Variants in LRRC7 observed in about 807,000 individuals in gnomAD.
LRRC7 encodes leucine-rich repeat-containing protein 7.
In LRRC7, 23 loss-of-function variants were observed where a neutral mutation model predicts 175.7. The observed-to-expected ratio is 0.13, with a 90% CI of 0.09 to 0.19. LRRC7 has a LOEUF of 0.19. Among genes scored for constraint, LRRC7 ranks in the 10% least tolerant of loss-of-function variants. The pLI is 1.00. For synonymous variants in LRRC7, 685 were observed against 680.9 expected (o/e 1.01, Z -0.09); for missense variants, 1,354 against 1,904.7 (o/e 0.71, Z 5.38).
At chr1:69,586,898 T>G (rs1442960546) in intron 1 of LRRC7, among the ~76,000 whole-genome samples, 9 of 152,184 alleles carry the variant, frequency 5.9e-5, no homozygotes, top group Admixed American at 5.9e-4. Context: ...TTTTCCAAAT[T>G]CTGAGGAACA....
chr1:69,947,223 T>C (rs926394783), intron 8 of LRRC7, among the ~76,000 whole-genome samples: 4 of 152,054 alleles, frequency 2.6e-5, no homozygotes, highest in African/African-American at 9.7e-5. Context: ...CACTGTGTTG[T>C]CTCATTGGAG....
intron 3 of LRRC7, among the ~76,000 whole-genome samples, chr1:69,769,869 T>A (rs1672028926): frequency 6.6e-6 from 1 of 152,210 alleles, no homozygotes; most frequent in Non-Finnish European, 1.5e-5. Context: ...GATTTACAGT[T>A]GTGTCAGTTA....
At chr1:69,704,513 T>C (rs531546134) in intron 2 of LRRC7, among the ~76,000 whole-genome samples, 1 of 152,158 alleles carries the variant, frequency 6.6e-6, no homozygotes, top group Admixed American at 6.6e-5. Context: ...CTTTTGTATA[T>C]AGACTATTTA....
chr1:69,763,456 T>G (rs2100952685), intron 3 of LRRC7, among the ~76,000 whole-genome samples: 1 of 152,210 alleles, frequency 6.6e-6, no homozygotes, highest in African/African-American at 2.4e-5. Flanking sequence ...GTGTCACATG[T>G]TTACTGCTGA....
intron 25 of LRRC7, among the ~76,000 whole-genome samples, chr1:70,101,633 T>C (rs891620696): frequency 6.6e-6 from 1 of 152,228 alleles, no homozygotes; most frequent in Non-Finnish European, 1.5e-5. Context: ...ATCTTAACAA[T>C]GCAAGAAGCC....
At chr1:69,744,486 G>C (rs1459930712) in intron 2 of LRRC7, among the ~76,000 whole-genome samples, 1 of 151,780 alleles carries the variant, frequency 6.6e-6, no homozygotes, top group Non-Finnish European at 1.5e-5. Context: ...CATTTCTGTA[G>C]CTTGTTTTGT....
At position 70,144,081 on chromosome 1, in the gene LRRC7, GAAATT is replaced by G. The variant is rs1667202456; in HGVS notation, c.*22197_*22201del. The stretch of plus-strand genomic sequence containing the variant: ...TATATTTTAAATTTACTGAACCAGT[GAAATT>G]AATTACTGTCAGTTAATTTGCAAAT... On this transcript the variant is annotated 3_prime_UTR_variant, in exon 27 of 27. Coordinates refer to ENST00000651989, the MANE Select transcript of LRRC7 (RefSeq NM_001370785.2). 3 of 152,094 alleles carry G rather than the reference GAAATT, an allele frequency of 2.0e-5. No homozygotes were observed. The highest frequency in any genetic ancestry group is 2.0e-4 in the Admixed American group (3 of 15,260). The allele number at this position is 152,094 out of a possible 1,614,324, so 9.4% of individuals were successfully genotyped here.
intron 3 of LRRC7, among the ~76,000 whole-genome samples, chr1:69,772,075 C>G (rs180950012): frequency 6.6e-6 from 1 of 152,004 alleles, no homozygotes; most frequent in Non-Finnish European, 1.5e-5. Flanking sequence ...GAGCTGAAAT[C>G]GCGCCACTGC....
chr1:69,822,981 G>A (rs1305574688), intron 4 of LRRC7, among the ~76,000 whole-genome samples: 1 of 152,092 alleles, frequency 6.6e-6, no homozygotes, highest in African/African-American at 2.4e-5. Flanking sequence ...TTAGTTTGGT[G>A]GTGTATAGGA....
At chr1:70,088,639 C>T (rs1033639229) in intron 24 of LRRC7, among the ~76,000 whole-genome samples, 11 of 151,970 alleles carry the variant, frequency 7.2e-5, no homozygotes, top group Admixed American at 2.6e-4. Context: ...CCTCTTGGTC[C>T]GAAATCTTTC....
rs144695397 is a variant in LRRC7, at chr1:69,740,404, C to T, written c.101-19787C>T. Among the ~76,000 whole-genome samples the T allele has an allele frequency of 2.1e-3, 327 of 152,112 alleles. 2 individuals are homozygous for T. The highest frequency in any genetic ancestry group is 6.8e-3 in the Middle Eastern group (2 of 294). ...CCACCCTTTCATATTGGGGCCTCAA[C>T]TTTGTGACCTCTCTAAAGGCTGTTA... is the stretch of plus-strand genomic sequence containing the variant. On this transcript the variant is annotated intron_variant, in intron 2 of 26. Coordinates refer to ENST00000651989, the MANE Select transcript of LRRC7 (RefSeq NM_001370785.2).
intron 1 of LRRC7, among the ~76,000 whole-genome samples, chr1:69,622,733 A>T (rs1650829615): frequency 6.6e-6 from 1 of 152,162 alleles, no homozygotes; most frequent in Admixed American, 6.5e-5. Flanking sequence ...TGCTCTAATC[A>T]TATGTGTTGC....
intron 1 of LRRC7, among the ~76,000 whole-genome samples, chr1:69,633,315 G>A (rs369784764): frequency 6.6e-6 from 1 of 151,922 alleles, no homozygotes; most frequent in South Asian, 2.1e-4. Context: ...TATTGTTAAA[G>A]ATTAATGATT....
chr1:69,665,419 G>C (rs1658124469), intron 1 of LRRC7, among the ~76,000 whole-genome samples: 1 of 151,962 alleles, frequency 6.6e-6, no homozygotes, highest in Non-Finnish European at 1.5e-5. Context: ...TACATTGATT[G>C]ATTCTTTGTT....
intron 7 of LRRC7, chr1:69,873,654 G>A (rs1030772454): frequency 1.6e-5 from 6 of 364,056 alleles, no homozygotes; most frequent in Admixed American, 9.7e-5. Context: ...TTTTTGGTGC[G>A]CTACCTGCTG....
At position 69,804,093 on chromosome 1, in the gene LRRC7, G is replaced by A. The variant is rs568003110; in HGVS notation, c.421+11933G>A. ...CTTATGGTTTACTAAATTGTTTTCT[G>A]GTGCTCTAATACATTTGGGACCTTT... is the stretch of plus-strand genomic sequence containing the variant. On this transcript the variant is annotated intron_variant, in intron 4 of 26. Coordinates refer to ENST00000651989, the MANE Select transcript of LRRC7 (RefSeq NM_001370785.2). Among the ~76,000 whole-genome samples the A allele has an allele frequency of 7.9e-5, 12 of 151,078 alleles. No homozygotes were observed. The East Asian group carries it at 2.3e-3, about 29-fold the overall frequency.
At chr1:69,574,447 T>C (rs1247334736) in intron 1 of LRRC7, among the ~76,000 whole-genome samples, 2 of 152,082 alleles carry the variant, frequency 1.3e-5, no homozygotes, top group Non-Finnish European at 2.9e-5. Context: ...AAATACTTTA[T>C]AGATGCTTGG....
chr1:69,669,731 T>C (rs1658784693), intron 1 of LRRC7, among the ~76,000 whole-genome samples: 1 of 152,178 alleles, frequency 6.6e-6, no homozygotes, highest in South Asian at 2.1e-4. Flanking sequence ...TTCTAGATCT[T>C]GTAGTCATGC....
At chr1:70,068,537 T>C (rs574914075) in intron 23 of LRRC7, among the ~76,000 whole-genome samples, 17 of 152,324 alleles carry the variant, frequency 1.1e-4, no homozygotes, top group Admixed American at 8.5e-4. Context: ...TCTATATTCA[T>C]GATGGATATT....
Sources: allele counts gnomAD v4.1 joint callset (sites outside exome capture counted in the v4.1 genomes callset), GRCh38; gene constraint gnomAD v4.1.1; transcripts MANE v1.5; gene names NCBI Gene and HGNC (gene_info 2026-07-23, HGNC 2026-07-21).